Variants in KCNK9 observed in about 807,000 individuals in gnomAD.
The protein encoded by KCNK9 is potassium two pore domain channel subfamily K member 9, also known as potassium channel subfamily K member 9.
Under a neutral mutation model 10.8 loss-of-function variants are expected in KCNK9, and 1 was observed. The observed-to-expected ratio is 0.09, with a 90% CI of 0.03 to 0.44. KCNK9 has a LOEUF of 0.44. Among genes scored for constraint, KCNK9 ranks in the 20% least tolerant of loss-of-function variants. The pLI, the probability that KCNK9 is intolerant of heterozygous loss-of-function variation, is 0.97. For missense variants in KCNK9, 303 were observed against 515.0 expected (o/e 0.59, Z 3.98); for synonymous variants, 231 against 222.7 (o/e 1.04, Z -0.33).
At chr8:139,641,700 C>T (rs894860545) in intron 1 of KCNK9, among the ~76,000 whole-genome samples, 4 of 152,126 alleles carry the variant, frequency 2.6e-5, no homozygotes, top group Admixed American at 6.5e-5. Flanking sequence ...TCACTGACTG[C>T]GCTGAGCCTC....
intron 2 of KCNK9, among the ~76,000 whole-genome samples, chr8:139,606,963 C>G (rs1814236311): frequency 6.6e-6 from 1 of 152,218 alleles, no homozygotes; most frequent in South Asian, 2.1e-4. Flanking sequence ...AGGTCCTTCT[C>G]CCCCACATCC....
At chr8:139,633,913 C>T (rs1325404791) in intron 1 of KCNK9, among the ~76,000 whole-genome samples, 1 of 152,278 alleles carries the variant, frequency 6.6e-6, no homozygotes, top group Non-Finnish European at 1.5e-5. Flanking sequence ...TTTCAATCTG[C>T]CCTTTGGTTC....
chr8:139,637,760 T>TAC (rs34018499), intron 1 of KCNK9, among the ~76,000 whole-genome samples: 13,849 of 146,152 alleles, frequency 0.095, 1,099 homozygotes, highest in African/African-American at 0.22. Flanking sequence ...ATTCCTACTC[T>TAC]ACACACACAC....
At chr8:139,616,653 A>C (rs1005531519), downstream of KCNK9, 5 of 152,064 alleles carry the variant, frequency 3.3e-5, no homozygotes, top group Admixed American at 6.5e-5. Context: ...TTTCTGGGAG[A>C]TCTCGTTGGG....
intron 1 of KCNK9, among the ~76,000 whole-genome samples, chr8:139,619,878 T>C (rs1350917206): frequency 6.6e-6 from 1 of 152,248 alleles, no homozygotes; most frequent in Non-Finnish European, 1.5e-5. Flanking sequence ...AAGTAAAATA[T>C]TTATTTAATA....
chr8:139,695,815 T>A (rs902118799), intron 1 of KCNK9, among the ~76,000 whole-genome samples: 1 of 152,114 alleles, frequency 6.6e-6, no homozygotes, highest in African/African-American at 2.4e-5. Flanking sequence ...AAGCATTGCA[T>A]CTCTTTCTCC....
chr8:139,697,106 A>G (rs1268842818), intron 1 of KCNK9, among the ~76,000 whole-genome samples: 1 of 149,284 alleles, frequency 6.7e-6, no homozygotes, highest in African/African-American at 2.5e-5. Context: ...TGGATGGTGG[A>G]TGGTTGGGTA....
chr8:139,695,846 G>A (rs1586698747), intron 1 of KCNK9, among the ~76,000 whole-genome samples: 1 of 152,226 alleles, frequency 6.6e-6, no homozygotes, highest in African/African-American at 2.4e-5. Context: ...CATCCTCTAG[G>A]AGGCTGGTGT....
intron 1 of KCNK9, among the ~76,000 whole-genome samples, chr8:139,622,980 C>T (rs1367414364): frequency 6.6e-6 from 1 of 152,152 alleles, no homozygotes; most frequent in Non-Finnish European, 1.5e-5. Context: ...TACAGCGCAC[C>T]CATATTCACC....
chr8:139,635,182 T>A (rs1815301595), intron 1 of KCNK9, among the ~76,000 whole-genome samples: 2 of 152,210 alleles, frequency 1.3e-5, no homozygotes, highest in African/African-American at 4.8e-5. Context: ...AACAAATAAA[T>A]GAGCAAACAG....
At chr8:139,643,883 C>A (rs1402949313) in intron 1 of KCNK9, among the ~76,000 whole-genome samples, 1 of 152,230 alleles carries the variant, frequency 6.6e-6, no homozygotes, top group Non-Finnish European at 1.5e-5. Context: ...CCTTCCTCTG[C>A]ACCATGGAAG....
chr8:139,689,520 C>T (rs371857152), intron 1 of KCNK9, among the ~76,000 whole-genome samples: 5 of 152,278 alleles, frequency 3.3e-5, no homozygotes, highest in African/African-American at 7.2e-5. Flanking sequence ...CACCTTTTGA[C>T]TTTGGCCTTG....
At chr8:139,635,291 A>G (rs1815305047) in intron 1 of KCNK9, among the ~76,000 whole-genome samples, 1 of 152,226 alleles carries the variant, frequency 6.6e-6, no homozygotes, top group African/African-American at 2.4e-5. Context: ...AAGAAAACGG[A>G]GGCCCGAGTG....
downstream of KCNK9, among the ~76,000 whole-genome samples, chr8:139,609,101 A>ACCCCCCCCCCC (rs1814329256): frequency 1.4e-5 from 1 of 73,182 alleles, no homozygotes; most frequent in Non-Finnish European, 2.5e-5. Context: ...TGAGGGACCC[A>ACCCCCCCCCCC]TCCCACCCCA....
Position 139,677,886 on chromosome 8 carries a change from G to A in KCNK9, c.283+24824C>T, listed in dbSNP as rs537630052. On this transcript the variant is annotated intron_variant, in intron 1 of 1. Coordinates refer to ENST00000520439, the MANE Select transcript of KCNK9 (RefSeq NM_001282534.2). ...GGGGTCCCCATGGCTGCAGAGGAAT[G>A]CCTCACATCTGAGCCCAATGTGTCC... is the stretch of plus-strand genomic sequence containing the variant. Among the ~76,000 whole-genome samples the A allele has an allele frequency of 5.5e-4, 64 of 115,844 alleles. 1 individual carries two copies. The highest frequency in any genetic ancestry group is 2.4e-3 in the African/African-American group (61 of 25,930). The allele number at this position is 115,844 out of a possible 152,430, so 76.0% of individuals were successfully genotyped here.
At chr8:139,640,260 C>T (rs953592243) in intron 1 of KCNK9, among the ~76,000 whole-genome samples, 12 of 152,222 alleles carry the variant, frequency 7.9e-5, no homozygotes, top group Admixed American at 3.3e-4. Flanking sequence ...GGCACATCAG[C>T]GGCAGGGCTT....
rs757348042 is a variant in KCNK9, at chr8:139,702,879, C to A, written c.114G>T (p.Glu38Asp). The part of the protein sequence containing the change: ...ALESDHEMRE[E>D]EKLKAEEIRI... ...GGATCTCCTCGGCTTTGAGTTTCTCCTCCTCGCGCATCTCGTGGTCCGACT... is the reference window on the plus strand; with the variant it reads ...GGATCTCCTCGGCTTTGAGTTTCTCATCCTCGCGCATCTCGTGGTCCGACT... Residue 38 changes from glutamate to aspartate, a missense_variant, in exon 1 of 2, where the codon GAG (glutamate) becomes GAT (aspartate). Transcript: ENST00000520439. This position sits in a 1 kb window ranked among gnomAD's most constrained non-coding sequence, Gnocchi z 7.5. 6.2e-7 allele frequency: 1 copy of A among 1,613,986 alleles called. No homozygotes were observed. Among genetic ancestry groups the A allele is most frequent in the South Asian group, 1.1e-5 (1 of 91,088 alleles).
At chr8:139,670,595 G>C (rs941531681) in intron 1 of KCNK9, among the ~76,000 whole-genome samples, 5 of 152,080 alleles carry the variant, frequency 3.3e-5, no homozygotes, top group South Asian at 2.1e-4. Context: ...TCAGGGACTT[G>C]AACATCCATC....
chr8:139,654,569 C>G (rs968644783), intron 1 of KCNK9, among the ~76,000 whole-genome samples: 1 of 152,230 alleles, frequency 6.6e-6, no homozygotes, highest in Non-Finnish European at 1.5e-5. Context: ...CTCAGGTAGG[C>G]GACAGGCAGA....
Sources: gnomAD v4.1 joint callset for allele counts (sites outside exome capture counted in the v4.1 genomes callset) on GRCh38, gnomAD v4.1.1 for gene constraint, Gnocchi (gnomAD v3.1) non-coding constraint, MANE v1.5 for transcripts, NCBI Gene and HGNC (gene_info 2026-07-23, HGNC 2026-07-21) for gene names.